The following PDZD2 variants were observed in gnomAD, a reference collection of about 807,000 sequenced individuals.
PDZD2 encodes PDZ domain-containing protein 2.
Under a neutral mutation model 220.7 loss-of-function variants are expected in PDZD2, and 90 were observed. The ratio of observed to expected loss-of-function variants is 0.41; its 90% CI spans 0.34 to 0.49. PDZD2 has a LOEUF of 0.49. Ranked by LOEUF, PDZD2 falls within the 20% of genes least tolerant of loss-of-function variation. The pLI, the probability that PDZD2 is intolerant of heterozygous loss-of-function variation, is 0.28. For missense variants in PDZD2, 3,174 were observed against 3,608.5 expected, an observed-to-expected ratio of 0.88 and a Z score of 3.08; for synonymous variants, 1,375 against 1,450.5, an observed-to-expected ratio of 0.95 and a Z score of 1.18.
In PDZD2 at chr5:32,074,810, C is replaced by CT. The variant is rs33999865; in HGVS notation, c.3537+181dup. Among the ~76,000 whole-genome samples the CT allele has an allele frequency of 3.7e-3, 539 of 145,300 alleles. 5 individuals carry two copies. Among genetic ancestry groups the CT allele is most frequent in the African/African-American group, 0.012 (477 of 39,426 alleles). ...TTAAATACCTGGACTGCTTGGAAGC[C>CT]TTTTTTTTTTTTTTCTTGGAGATGG... On this transcript the variant is annotated intron_variant, in intron 18 of 24. Coordinates refer to ENST00000438447, the MANE Select transcript of PDZD2 (RefSeq NM_178140.4).
At chr5:31,826,465 G>A (rs1467522586) in intron 2 of PDZD2, among the ~76,000 whole-genome samples, 1 of 152,082 alleles carries the variant, frequency 6.6e-6, no homozygotes, top group African/African-American at 2.4e-5. Flanking sequence ...TTGAGGTCAG[G>A]AGTTCAAGAC....
At chr5:31,925,356 T>G (rs951831488) in intron 2 of PDZD2, among the ~76,000 whole-genome samples, 29 of 150,246 alleles carry the variant, frequency 1.9e-4, no homozygotes, top group African/African-American at 6.9e-4. Context: ...AAAAAAAAAA[T>G]GAGGAAAGGA....
chr5:31,920,076 T>G (rs2135058), intron 2 of PDZD2, among the ~76,000 whole-genome samples: 137,763 of 151,818 alleles, frequency 0.91, 62,797 homozygotes, highest in East Asian at 0.99. Flanking sequence ...TTGAGCTCAG[T>G]AGTTCGAGAC....
intron 1 of PDZD2, among the ~76,000 whole-genome samples, chr5:31,689,354 T>TATA (rs1554063278): frequency 3.2e-3 from 86 of 27,204 alleles, no homozygotes; most frequent in Middle Eastern, 0.02. Context: ...TATATATATA[T>TATA]TTTTTTTTTT....
chr5:31,874,259 C>G (rs912425793), intron 2 of PDZD2, among the ~76,000 whole-genome samples: 1 of 152,174 alleles, frequency 6.6e-6, no homozygotes, highest in African/African-American at 2.4e-5. Flanking sequence ...TAGATTGCTG[C>G]TTGACCAAAC....
At chr5:31,864,072 G>C (rs1258416117) in intron 2 of PDZD2, among the ~76,000 whole-genome samples, 3 of 152,130 alleles carry the variant, frequency 2.0e-5, no homozygotes, top group Non-Finnish European at 2.9e-5. Context: ...TTTCTGGTTG[G>C]GTTCAGCCAA....
rs1754224721 is a variant in PDZD2, at chr5:31,799,035, A to C, written c.-214A>C. On this transcript the variant is annotated 5_prime_UTR_variant, in exon 2 of 25. Transcript: ENST00000438447. ...TTCCCTCATTGAGCACTCCAGTGCC[A>C]TTGTTCCACAGTTGTTCTAATTGGG... 5 of 564,262 alleles carry C rather than the reference A, an allele frequency of 8.9e-6. No homozygotes were observed. In the East Asian group the frequency reaches 1.4e-4, roughly 16 times the overall value. The allele number at this position is 564,262 out of a possible 1,614,324, so 35.0% of individuals were successfully genotyped here. A position where few individuals can be genotyped will look rare whatever the true frequency, so the allele number is the denominator to read the frequency against.
intron 2 of PDZD2, chr5:31,923,308 C>A: frequency 1.5e-6 from 1 of 684,026 alleles, no homozygotes; most frequent in South Asian, 1.6e-5. Flanking sequence ...TTCTCCCTTT[C>A]GGATTCCCGA....
chr5:31,968,219 G>A (rs919498512), intron 2 of PDZD2, among the ~76,000 whole-genome samples: 1 of 152,082 alleles, frequency 6.6e-6, no homozygotes, highest in Admixed American at 6.5e-5. Context: ...TTAGCCAGGC[G>A]TGGTGGTGCA....
At chr5:32,075,034 A>G (rs573752101) in intron 18 of PDZD2, among the ~76,000 whole-genome samples, 1 of 151,972 alleles carries the variant, frequency 6.6e-6, no homozygotes, top group African/African-American at 2.4e-5. Flanking sequence ...CTGGTCTCGA[A>G]CTCCTGGCCT....
At chr5:31,945,588 T>G (rs1254236836) in intron 2 of PDZD2, among the ~76,000 whole-genome samples, 1 of 152,130 alleles carries the variant, frequency 6.6e-6, no homozygotes, top group African/African-American at 2.4e-5. Flanking sequence ...GTCTTTGGGT[T>G]TGGCTTTACT....
At chr5:31,726,656 G>T (rs977086265) in intron 1 of PDZD2, among the ~76,000 whole-genome samples, 3 of 152,180 alleles carry the variant, frequency 2.0e-5, no homozygotes, top group Non-Finnish European at 4.4e-5. Flanking sequence ...GATCTGGGAG[G>T]ATTGCAGGAG....
intron 1 of PDZD2, among the ~76,000 whole-genome samples, chr5:31,743,017 T>G (rs1379984464): frequency 6.6e-6 from 1 of 152,230 alleles, no homozygotes; most frequent in Non-Finnish European, 1.5e-5. Flanking sequence ...TTCTTTCTGA[T>G]TAGCCAGTCC....
chr5:32,082,363 A>T (rs1742058940), intron 19 of PDZD2, among the ~76,000 whole-genome samples: 1 of 152,096 alleles, frequency 6.6e-6, no homozygotes, highest in African/African-American at 2.4e-5. Context: ...AAAAATGCAT[A>T]AGTGATCAAA....
intron 19 of PDZD2, among the ~76,000 whole-genome samples, chr5:32,081,487 C>T (rs1380285833): frequency 2.0e-5 from 3 of 152,098 alleles, no homozygotes; most frequent in Admixed American, 1.3e-4. Context: ...ACACTGGCAC[C>T]CTCAAGGGCT....
rs1561507360 is a variant in PDZD2, at chr5:31,849,963, CACATATATATATATACAT to C, written c.476+50241_476+50258del. Among the ~76,000 whole-genome samples the C allele has an allele frequency of 1.9e-3, 57 of 29,458 alleles. 12 individuals carry two copies. The highest frequency in any genetic ancestry group is 0.015 in the African/African-American group (55 of 3,668). The allele number at this position is 29,458 out of a possible 152,430, so 19.3% of individuals were successfully genotyped here. A position where few individuals can be genotyped will look rare whatever the true frequency, so the allele number is the denominator to read the frequency against. ...ATATATATATACATATATATATATACACATATATATATATACATATATATATATACACATATATATATA... is the reference window on the plus strand; with the variant it reads ...ATATATATATACATATATATATATACATATATATATACACATATATATATA... On this transcript the variant is annotated intron_variant, in intron 2 of 24. Coordinates refer to ENST00000438447, the MANE Select transcript of PDZD2 (RefSeq NM_178140.4).
intron 1 of PDZD2, among the ~76,000 whole-genome samples, chr5:31,749,464 C>T (rs1358332709): frequency 6.7e-6 from 1 of 150,146 alleles, no homozygotes; most frequent in Non-Finnish European, 1.5e-5. Context: ...TGCTCTTTCA[C>T]CCAGGCTGGA....
chr5:31,769,337 C>G (rs1438745155), intron 1 of PDZD2, among the ~76,000 whole-genome samples: 1 of 152,224 alleles, frequency 6.6e-6, no homozygotes, highest in African/African-American at 2.4e-5. Context: ...TTTCACCTCA[C>G]TGAGGATAAA....
Position 32,088,556 on chromosome 5 carries a change from G to A in PDZD2, c.5108G>A (p.Ser1703Asn), listed in dbSNP as rs757308361. ...GAAACCACAGAAGTCACCAGCGCTA[G>A]CTCAGCCATGGAAAACAGTCCGCTG... is the stretch of plus-strand genomic sequence containing the variant. ...AEETTEVTSA[S>N]SAMENSPLSK... is the part of the protein sequence containing the mutation. The change falls in exon 20 of 25, where the codon AGC becomes AAC. Residue 1703 changes from serine (S) to asparagine (N), a missense_variant. Physicochemically the swap from Ser to Asn is conservative, Grantham distance 46. Transcript: ENST00000438447. This position sits in a 1 kb window ranked among gnomAD's most constrained non-coding sequence, Gnocchi z 4.6. The A allele has an allele frequency of 6.2e-7, 1 of 1,613,960 alleles. No individual in the cohort carries two copies. Among genetic ancestry groups the A allele is most frequent in the East Asian group, 2.2e-5 (1 of 44,888 alleles).
Sources: allele counts gnomAD v4.1 joint callset (sites outside exome capture counted in the v4.1 genomes callset), GRCh38; gene constraint gnomAD v4.1.1; non-coding constraint Gnocchi (gnomAD v3.1); transcripts MANE v1.5; gene names NCBI Gene and HGNC (gene_info 2026-07-23, HGNC 2026-07-21).